Variants in HNF4G observed in about 807,000 individuals in gnomAD.
HNF4G encodes the protein hepatocyte nuclear factor 4 gamma.
In HNF4G, 21 loss-of-function variants were observed where a neutral mutation model predicts 50.9. The ratio of observed to expected loss-of-function variants is 0.41; its 90% CI spans 0.29 to 0.59. HNF4G has a LOEUF of 0.59. HNF4G is among the 20% of genes least tolerant of loss of function. The pLI is 0.26. For synonymous variants in HNF4G, 198 were observed against 185.6 expected (o/e 1.07, Z -0.54); for missense variants, 527 against 559.4 (o/e 0.94, Z 0.58).
At chr8:75,425,419 TA>T (rs1281163201) in intron 1 of HNF4G, among the ~76,000 whole-genome samples, 1 of 151,870 alleles carries the variant, frequency 6.6e-6, no homozygotes, top group Admixed American at 6.6e-5. Context: ...TATCTAGTAT[TA>T]ACTTCCAGAA....
chr8:75,453,607 A>G (rs569767080), intron 1 of HNF4G, among the ~76,000 whole-genome samples: 15 of 150,648 alleles, frequency 1.0e-4, no homozygotes, highest in Non-Finnish European at 2.1e-4. Context: ...CTGCTACTCA[A>G]TCTTTGGGTC....
intron 1 of HNF4G, among the ~76,000 whole-genome samples, chr8:75,421,050 G>A (rs551957597): frequency 3.2e-4 from 48 of 152,070 alleles, no homozygotes; most frequent in African/African-American, 9.4e-4. Flanking sequence ...TAGAAACAAA[G>A]GAAAGTCACT....
intron 1 of HNF4G, among the ~76,000 whole-genome samples, chr8:75,409,670 T>A (rs188036571): frequency 7.1e-4 from 108 of 151,600 alleles, no homozygotes; most frequent in African/African-American, 2.6e-3. Flanking sequence ...TGTATTTTTA[T>A]TAAAGATGGG....
chr8:75,476,495 A>C (rs1043103481), intron 1 of HNF4G, among the ~76,000 whole-genome samples: 5 of 152,222 alleles, frequency 3.3e-5, no homozygotes, highest in African/African-American at 4.8e-5. Flanking sequence ...CTTGAAATCA[A>C]CTATTCAATA....
chr8:75,498,464 A>T (rs745749732), intron 2 of HNF4G, among the ~76,000 whole-genome samples: 5 of 152,180 alleles, frequency 3.3e-5, no homozygotes, highest in African/African-American at 4.8e-5. Context: ...TCACTGGTGA[A>T]TTCGAGCAAG....
chr8:75,441,400 C>G (rs974051104), intron 1 of HNF4G, among the ~76,000 whole-genome samples: 1 of 152,048 alleles, frequency 6.6e-6, no homozygotes, highest in African/African-American at 2.4e-5. Context: ...TGTGCGCCAC[C>G]ACACCCGGCT....
chr8:75,435,951 A>G (rs1315393041), intron 1 of HNF4G, among the ~76,000 whole-genome samples: 2 of 152,242 alleles, frequency 1.3e-5, no homozygotes, highest in Non-Finnish European at 2.9e-5. Flanking sequence ...AAAGATCTAT[A>G]GAAAAATTTT....
At chr8:75,417,240 A>T (rs1248408462) in intron 1 of HNF4G, among the ~76,000 whole-genome samples, 1 of 152,222 alleles carries the variant, frequency 6.6e-6, no homozygotes, top group Non-Finnish European at 1.5e-5. Context: ...AGCTCACTGT[A>T]GCCTCAAACT....
chr8:75,562,050 G>A (rs1350909764), intron 9 of HNF4G, among the ~76,000 whole-genome samples: 1 of 152,104 alleles, frequency 6.6e-6, no homozygotes, highest in Non-Finnish European at 1.5e-5. Flanking sequence ...AACTCACTGA[G>A]ATGACTTGAG....
intron 1 of HNF4G, among the ~76,000 whole-genome samples, chr8:75,425,717 A>C (rs886370300): frequency 6.6e-6 from 1 of 151,658 alleles, no homozygotes; most frequent in Non-Finnish European, 1.5e-5. Flanking sequence ...CGCCTATTTT[A>C]CTGTCTTGCT....
intron 1 of HNF4G, among the ~76,000 whole-genome samples, chr8:75,426,297 C>T (rs1810889857): frequency 6.6e-6 from 1 of 152,192 alleles, no homozygotes; most frequent in African/African-American, 2.4e-5. Context: ...CACATCTTCC[C>T]TGATCTCTGT....
intron 1 of HNF4G, among the ~76,000 whole-genome samples, chr8:75,409,480 C>CTTTTTTTTTTT (rs5892492): frequency 1.5e-5 from 1 of 67,346 alleles, no homozygotes; most frequent in Non-Finnish European, 2.6e-5. Context: ...GTGCCTTGTT[C>CTTTTTTTTTTT]TTTTTTTTTT....
chr8:75,525,437 G>A (rs1434669082), intron 2 of HNF4G, among the ~76,000 whole-genome samples: 19 of 152,130 alleles, frequency 1.2e-4, no homozygotes, highest in Non-Finnish European at 7.3e-5. Context: ...CAAAGTTCTG[G>A]AATTACAGGC....
intron 1 of HNF4G, among the ~76,000 whole-genome samples, chr8:75,462,294 G>T (rs554438895): frequency 9.9e-5 from 15 of 152,128 alleles, no homozygotes; most frequent in African/African-American, 3.6e-4. Context: ...TGCCCTTTGG[G>T]GCCATTATTA....
intron 2 of HNF4G, among the ~76,000 whole-genome samples, chr8:75,529,821 C>G (rs1278112877): frequency 6.6e-6 from 1 of 152,114 alleles, no homozygotes; most frequent in Non-Finnish European, 1.5e-5. Context: ...GATCACCTTT[C>G]TCATCACAAC....
intron 1 of HNF4G, among the ~76,000 whole-genome samples, chr8:75,452,458 G>T (rs941498156): frequency 6.6e-6 from 1 of 152,002 alleles, no homozygotes; most frequent in Non-Finnish European, 1.5e-5. Flanking sequence ...GTTGGCTCAC[G>T]CCTGTAATCA....
chr8:75,504,495 A>C (rs2977902), intron 2 of HNF4G, among the ~76,000 whole-genome samples: 79,596 of 151,792 alleles, frequency 0.52, 23,225 homozygotes, highest in African/African-American at 0.79. Flanking sequence ...TACACTTACA[A>C]ACATATATAC....
At chr8:75,531,049 C>T (rs1329735194) in intron 2 of HNF4G, among the ~76,000 whole-genome samples, 3 of 152,090 alleles carry the variant, frequency 2.0e-5, no homozygotes, top group African/African-American at 7.2e-5. Flanking sequence ...CCGCCTTGGC[C>T]TCCCAAGGTG....
chr8:75,452,208 A>C lies in HNF4G; in HGVS notation c.-143-37881A>C, dbSNP rs565642026. 9.2e-5 allele frequency among the ~76,000 whole-genome samples: 14 copies of C among 152,224 alleles called. No homozygotes were observed. The Middle Eastern group carries it at 0.01, about 111-fold the overall frequency. ...ATTTTATAATAAATAATATAAATAAATATTTCTAAAGAACAAAAGTTATAA... is the reference window on the plus strand; with the variant it reads ...ATTTTATAATAAATAATATAAATAACTATTTCTAAAGAACAAAAGTTATAA... On this transcript the variant is annotated intron_variant, in intron 1 of 10. Transcript: ENST00000354370.
Sources: allele counts gnomAD v4.1 joint callset (sites outside exome capture counted in the v4.1 genomes callset), GRCh38; gene constraint gnomAD v4.1.1; transcripts MANE v1.5; gene names NCBI Gene and HGNC (gene_info 2026-07-23, HGNC 2026-07-21).